HDAC9: variants seen among roughly 807,000 people sequenced by gnomAD.
HDAC9 encodes histone deacetylase 9.
HDAC9 carries 41 observed loss-of-function variants against 139.4 expected under a neutral mutation model. The observed-to-expected ratio is 0.29, with a 90% CI of 0.23 to 0.38. The LOEUF (loss-of-function observed/expected upper bound fraction) is 0.38, where lower values mean the gene tolerates loss of function less well. Ranked by LOEUF, HDAC9 falls within the 10% of genes least tolerant of loss-of-function variation. The pLI is 1.00. For synonymous variants in HDAC9, 517 were observed against 476.2 expected (o/e 1.09, Z -1.12); for missense variants, 1,147 against 1,297.0 (o/e 0.88, Z 1.78).
intron 2 of HDAC9, among the ~76,000 whole-genome samples, chr7:18,264,896 T>C (rs1279716281): frequency 1.3e-5 from 2 of 152,236 alleles, no homozygotes; most frequent in Non-Finnish European, 2.9e-5. Context: ...ATTGGCAGTA[T>C]ATCTCAGTGG....
chr7:18,958,394 C>T (rs116057275), intron 24 of HDAC9, among the ~76,000 whole-genome samples: 2,155 of 152,264 alleles, frequency 0.014, 57 homozygotes, highest in African/African-American at 0.05. Context: ...AAATTAGAAT[C>T]TCTAAGAGAT....
chr7:18,582,495 G>T (rs1197329599), intron 2 of HDAC9, among the ~76,000 whole-genome samples: 1 of 151,798 alleles, frequency 6.6e-6, no homozygotes, highest in Non-Finnish European at 1.5e-5. Flanking sequence ...AATCTATTTT[G>T]ACTACATTGC....
intron 12 of HDAC9, among the ~76,000 whole-genome samples, chr7:18,700,458 T>G (rs1783386035): frequency 6.6e-6 from 1 of 152,200 alleles, no homozygotes; most frequent in African/African-American, 2.4e-5. Flanking sequence ...CAAGATACGC[T>G]TGGGAGTGGG....
chr7:18,361,532 A>C (rs1257000999), intron 1 of HDAC9, among the ~76,000 whole-genome samples: 1 of 152,176 alleles, frequency 6.6e-6, no homozygotes, highest in East Asian at 1.9e-4. Flanking sequence ...AAACATTCTT[A>C]TTCTGTATAT....
At chr7:18,920,208 T>G (rs1803572189) in intron 22 of HDAC9, among the ~76,000 whole-genome samples, 1 of 152,176 alleles carries the variant, frequency 6.6e-6, no homozygotes, top group South Asian at 2.1e-4. Context: ...GAAGAGGTCC[T>G]TCACATCCCT....
chr7:18,128,992 A>G (rs919937625), intron 1 of HDAC9, among the ~76,000 whole-genome samples: 1 of 152,098 alleles, frequency 6.6e-6, no homozygotes, highest in Non-Finnish European at 1.5e-5. Flanking sequence ...GGATTTCCAG[A>G]GCGCATTTCT....
intron 1 of HDAC9, among the ~76,000 whole-genome samples, chr7:18,136,686 A>G (rs1306538749): frequency 6.6e-6 from 1 of 151,956 alleles, no homozygotes; most frequent in African/African-American, 2.4e-5. Flanking sequence ...TACCAGTACC[A>G]TGCTGTTTTG....
At chr7:18,106,361 C>CCTGT (rs902272922) in intron 1 of HDAC9, among the ~76,000 whole-genome samples, 2 of 152,146 alleles carry the variant, frequency 1.3e-5, no homozygotes, top group African/African-American at 4.8e-5. Flanking sequence ...ATATCCATTG[C>CCTGT]CTGTCTGTTC....
chr7:18,570,120 T>C (rs1455480729), intron 2 of HDAC9, among the ~76,000 whole-genome samples: 1 of 152,176 alleles, frequency 6.6e-6, no homozygotes, highest in East Asian at 1.9e-4. Flanking sequence ...CAGGCAGTCT[T>C]TACCTGTGAA....
chr7:18,443,492 A>C (rs1366220234), intron 1 of HDAC9, among the ~76,000 whole-genome samples: 1 of 152,216 alleles, frequency 6.6e-6, no homozygotes, highest in African/African-American at 2.4e-5. Flanking sequence ...ATTATACCAT[A>C]GGGTGAATAG....
intron 16 of HDAC9, among the ~76,000 whole-genome samples, chr7:18,773,295 A>G (rs1790470728): frequency 6.6e-6 from 1 of 151,890 alleles, no homozygotes; most frequent in African/African-American, 2.4e-5. Flanking sequence ...AAAAAATGCC[A>G]TCATCAAAGC....
At chr7:18,878,270 C>T (rs141644823) in intron 22 of HDAC9, among the ~76,000 whole-genome samples, 6 of 152,166 alleles carry the variant, frequency 3.9e-5, no homozygotes, top group East Asian at 1.9e-4. Context: ...CACATACATG[C>T]GTTCACTGCT....
intron 16 of HDAC9, among the ~76,000 whole-genome samples, chr7:18,767,763 T>C (rs1221998889): frequency 1.3e-5 from 2 of 152,146 alleles, no homozygotes; most frequent in African/African-American, 4.8e-5. Flanking sequence ...GATTAGAACA[T>C]ATCCTATAAC....
At chr7:18,959,698 C>T (rs1392462941) in intron 24 of HDAC9, among the ~76,000 whole-genome samples, 4 of 152,126 alleles carry the variant, frequency 2.6e-5, no homozygotes, top group African/African-American at 7.2e-5. Context: ...TCCACGTTGG[C>T]GCTACTGTGA....
intron 13 of HDAC9, among the ~76,000 whole-genome samples, chr7:18,734,094 C>T (rs915038577): frequency 6.6e-6 from 1 of 152,082 alleles, no homozygotes; most frequent in Non-Finnish European, 1.5e-5. Context: ...TTGTGGCAAT[C>T]CTGAATTGAG....
intron 2 of HDAC9, among the ~76,000 whole-genome samples, chr7:18,184,555 A>C (rs527349740): frequency 6.6e-6 from 1 of 152,360 alleles, no homozygotes; most frequent in African/African-American, 2.4e-5. Context: ...CAAAATTTGT[A>C]TACCTGAGGT....
chr7:18,800,626 A>T (rs1793207111), intron 17 of HDAC9, among the ~76,000 whole-genome samples: 1 of 152,092 alleles, frequency 6.6e-6, no homozygotes, highest in Non-Finnish European at 1.5e-5. Context: ...TGAGCTCAGG[A>T]GTTTGAGACC....
At chr7:18,469,410 G>T (rs1019662903) in intron 1 of HDAC9, among the ~76,000 whole-genome samples, 1 of 152,040 alleles carries the variant, frequency 6.6e-6, no homozygotes, top group Non-Finnish European at 1.5e-5. Flanking sequence ...TGCTATTTCT[G>T]GGAAATACCA....
intron 22 of HDAC9, among the ~76,000 whole-genome samples, chr7:18,908,593 T>C (rs2190275): frequency 1.3e-5 from 2 of 151,976 alleles, no homozygotes; most frequent in South Asian, 4.1e-4. Flanking sequence ...TACTCTCTAC[T>C]TCCATGACAT....
Sources: gnomAD v4.1 joint callset for allele counts (sites outside exome capture counted in the v4.1 genomes callset) on GRCh38, gnomAD v4.1.1 for gene constraint, MANE v1.5 for transcripts, NCBI Gene and HGNC (gene_info 2026-07-23, HGNC 2026-07-21) for gene names.